SYCP1: variants seen among roughly 807,000 people sequenced by gnomAD.
SYCP1 encodes cancer/testis antigen 8.
SYCP1 carries 64 observed loss-of-function variants against 153.1 expected under a neutral mutation model. That is an observed-to-expected ratio of 0.42 (90% CI 0.34 to 0.51). The LOEUF (loss-of-function observed/expected upper bound fraction) is 0.51, where lower values mean the gene tolerates loss of function less well. SYCP1 is among the 20% of genes least tolerant of loss of function. The probability of loss-of-function intolerance (pLI) is 0.06; values close to 1 mark genes in which losing one functional copy is unlikely to be tolerated. For missense variants in SYCP1, 997 were observed against 1,049.0 expected (o/e 0.95, Z 0.68); for synonymous variants, 384 against 341.8 (o/e 1.12, Z -1.36).
At chr1:114,951,125 A>C (rs2101846266) in intron 27 of SYCP1, among the ~76,000 whole-genome samples, 1 of 152,324 alleles carries the variant, frequency 6.6e-6, no homozygotes, top group South Asian at 2.1e-4. Context: ...CGCCCGGCCT[A>C]AATTACACTT....
At chr1:114,869,746 T>A (rs7524455) in intron 8 of SYCP1, among the ~76,000 whole-genome samples, 14,112 of 152,190 alleles carry the variant, frequency 0.093, 774 homozygotes, top group Middle Eastern at 0.16. Context: ...AAAAGAAATC[T>A]GAAATCTGAT....
intron 16 of SYCP1, among the ~76,000 whole-genome samples, chr1:114,900,985 G>A (rs1369402957): frequency 2.0e-5 from 3 of 152,140 alleles, no homozygotes; most frequent in Admixed American, 6.5e-5. Flanking sequence ...TGAACTGAAA[G>A]GTACCACAGC....
chr1:114,940,377 G>A (rs1670310150), intron 23 of SYCP1, among the ~76,000 whole-genome samples: 1 of 152,150 alleles, frequency 6.6e-6, no homozygotes, highest in Non-Finnish European at 1.5e-5. Flanking sequence ...GGTTACAGGT[G>A]TGAGCCACTG....
At chr1:114,875,420 C>T (rs1665450479) in intron 9 of SYCP1, among the ~76,000 whole-genome samples, 1 of 151,958 alleles carries the variant, frequency 6.6e-6, no homozygotes, top group Admixed American at 6.6e-5. Flanking sequence ...CCACTACGCC[C>T]GGCTGATTTT....
chr1:114,916,641 C>A (rs895480993), intron 20 of SYCP1, among the ~76,000 whole-genome samples: 1 of 144,652 alleles, frequency 6.9e-6, no homozygotes, highest in Non-Finnish European at 1.5e-5. Context: ...GCCCTCTAAT[C>A]TTTTGAGGTT....
At chr1:114,919,189 C>T (rs968662279) in intron 20 of SYCP1, among the ~76,000 whole-genome samples, 3 of 151,812 alleles carry the variant, frequency 2.0e-5, no homozygotes, top group Non-Finnish European at 2.9e-5. Flanking sequence ...TTCCGTACCC[C>T]GTTTTTTGAG....
intron 30 of SYCP1, among the ~76,000 whole-genome samples, chr1:114,990,432 GA>G (rs1235639168): frequency 2.6e-5 from 4 of 151,150 alleles, no homozygotes; most frequent in Admixed American, 6.6e-5. Flanking sequence ...TAAAGAACTA[GA>G]AAAAAAAGAG....
rs1166243363 is a variant in SYCP1 at position 114,856,942 on chromosome 1, A to AAAAC, written c.193+286_194-286dup. Among the ~76,000 whole-genome samples, 18 of 147,088 alleles carry AAAAC rather than the reference A, an allele frequency of 1.2e-4. No homozygotes were observed. The East Asian group carries it at 3.4e-3, about 27-fold the overall frequency. On this transcript the variant is annotated intron_variant, in intron 3 of 31. Transcript: ENST00000369522. ...TGTACAAAAAAAAAAAAAAAAAAAAAAAACCAGCAAACAAACCCCACCACC... is the reference window on the plus strand; with the variant it reads ...TGTACAAAAAAAAAAAAAAAAAAAAAAAACAAACCAGCAAACAAACCCCACCACC...
chr1:114,984,758 C>T lies in SYCP1; in HGVS notation c.2593C>T (p.Leu865=). Residue 865 remains leucine (L), a synonymous_variant, in exon 30 of 32, where the codon CTA becomes TTA. Transcript: ENST00000369522. ...YTVKTPTKPK[L]QQRENLNIPI... is the part of the protein sequence containing the mutation. ...AGTGAAGACACCAACAAAACCAAAA[C>T]TACAGCAAAGAGAAAACTTGAATAT... 1 of 1,494,620 alleles carries T rather than the reference C, an allele frequency of 6.7e-7. No homozygotes were observed. The highest frequency in any genetic ancestry group is 8.9e-7 in the Non-Finnish European group (1 of 1,126,546). The allele number at this position is 1,494,620 out of a possible 1,614,324, so 92.6% of individuals were successfully genotyped here. A position where few individuals can be genotyped will look rare whatever the true frequency, so the allele number is the denominator to read the frequency against.
Position 114,921,905 on chromosome 1 carries a change from CT to C in SYCP1, c.1719-1543del, listed in dbSNP as rs535649705. On this transcript the variant is annotated intron_variant, in intron 20 of 31. Coordinates refer to ENST00000369522, the MANE Select transcript of SYCP1 (RefSeq NM_003176.4). Reference sequence around the variant, plus strand: ...CCTTCATGTTTGAAGGATATTTTCACTGGATATACTATTCTAGGGTAAAAGT... The same window carrying C: ...CCTTCATGTTTGAAGGATATTTTCACGGATATACTATTCTAGGGTAAAAGT... Among the ~76,000 whole-genome samples, 184 of 152,222 alleles carry C rather than the reference CT, an allele frequency of 1.2e-3. 1 individual carries two copies. The highest frequency in any genetic ancestry group is 2.4e-3 in the Non-Finnish European group (163 of 68,012).
intron 15 of SYCP1, among the ~76,000 whole-genome samples, chr1:114,894,230 T>C (rs1666914070): frequency 6.6e-6 from 1 of 152,144 alleles, no homozygotes; most frequent in South Asian, 2.1e-4. Flanking sequence ...TTTTGGATTC[T>C]ATATTGACAT....
At chr1:114,990,808 A>G (rs1673864699) in intron 30 of SYCP1, among the ~76,000 whole-genome samples, 1 of 151,984 alleles carries the variant, frequency 6.6e-6, no homozygotes, top group East Asian at 1.9e-4. Flanking sequence ...TAAATTGGTA[A>G]TCAAAAACCT....
intron 9 of SYCP1, among the ~76,000 whole-genome samples, chr1:114,875,110 C>G (rs1169256272): frequency 6.6e-6 from 1 of 151,610 alleles, no homozygotes; most frequent in African/African-American, 2.4e-5. Context: ...TTGATTATTC[C>G]ATATATATCC....
At chr1:114,878,486 G>T (rs1423332340) in intron 12 of SYCP1, among the ~76,000 whole-genome samples, 3 of 151,980 alleles carry the variant, frequency 2.0e-5, no homozygotes, top group African/African-American at 7.3e-5. Context: ...ACTTGGAACT[G>T]TTGCATTCCA....
At chr1:114,963,041 G>A (rs1557836494) in intron 27 of SYCP1, among the ~76,000 whole-genome samples, 1 of 152,170 alleles carries the variant, frequency 6.6e-6, no homozygotes, top group Non-Finnish European at 1.5e-5. Context: ...GAAGTCTGCT[G>A]TTAATCCAAT....
chr1:114,967,613 G>A (rs749397294), intron 27 of SYCP1, among the ~76,000 whole-genome samples: 4 of 152,162 alleles, frequency 2.6e-5, no homozygotes, highest in Non-Finnish European at 5.9e-5. Flanking sequence ...ACAGCACACC[G>A]ATGGGTCTTG....
In SYCP1 at chr1:114,926,459, A is replaced by G. The variant is rs374205309; in HGVS notation, c.1864-42A>G. ...CTAAGTCAGTAGCAAGGTAAGTTTG[A>G]ATAACTTTAGTACTAAATATAATTA... On this transcript the variant is annotated intron_variant, in intron 22 of 31. Coordinates refer to ENST00000369522, the MANE Select transcript of SYCP1 (RefSeq NM_003176.4). The G allele has an allele frequency of 2.0e-6, 3 of 1,506,808 alleles. No homozygotes were observed. The African/African-American group carries it at 4.3e-5, about 21-fold the overall frequency. The allele number at this position is 1,506,808 out of a possible 1,614,324, so 93.3% of individuals were successfully genotyped here. A position where few individuals can be genotyped will look rare whatever the true frequency, so the allele number is the denominator to read the frequency against.
intron 27 of SYCP1, among the ~76,000 whole-genome samples, chr1:114,947,811 CAAAAAAAAAAAA>C (rs1174716918): frequency 1.1e-4 from 5 of 43,880 alleles, no homozygotes; most frequent in East Asian, 8.4e-4. Flanking sequence ...GACTCCGTCT[CAAAAAAAAAAAA>C]AAAAAAAAAA....
At chr1:114,876,367 A>AT (rs149417783) in intron 10 of SYCP1, among the ~76,000 whole-genome samples, 2,441 of 148,766 alleles carry the variant, frequency 0.016, 58 homozygotes, top group African/African-American at 0.056. Flanking sequence ...AACTAATTTT[A>AT]TTTTTTTTTT....
Sources: gnomAD v4.1 joint callset for allele counts (sites outside exome capture counted in the v4.1 genomes callset) on GRCh38, gnomAD v4.1.1 for gene constraint, MANE v1.5 for transcripts, NCBI Gene and HGNC (gene_info 2026-07-23, HGNC 2026-07-21) for gene names.